Variants in IL1RAPL2 observed in about 807,000 individuals in gnomAD.
The protein encoded by IL1RAPL2 is X-linked interleukin-1 receptor accessory protein-like 2.
A neutral mutation model predicts 44.1 loss-of-function variants in IL1RAPL2; 3 were observed. That is an observed-to-expected ratio of 0.07 (90% CI 0.03 to 0.18). IL1RAPL2 has a LOEUF of 0.18. IL1RAPL2 is among the 10% of genes least tolerant of loss of function. IL1RAPL2 has a pLI of 1.00. For synonymous variants in IL1RAPL2, 181 were observed against 178.8 expected (o/e 1.01, Z -0.10); for missense variants, 391 against 496.4 (o/e 0.79, Z 2.02).
chrX:105,354,775 A>G (rs919713475), intron 5 of IL1RAPL2, among the ~76,000 whole-genome samples: 2 of 111,363 alleles, frequency 1.8e-5, no homozygotes, highest in African/African-American at 3.3e-5. Flanking sequence ...TGCTGACTCT[A>G]TTACCATACC....
intron 4 of IL1RAPL2, among the ~76,000 whole-genome samples, chrX:105,241,222 G>A (rs988872300): frequency 1.8e-5 from 2 of 110,981 alleles, no homozygotes; most frequent in African/African-American, 3.3e-5. Context: ...TTTGACTTGG[G>A]GAAGCCTGTC....
chrX:104,937,938 A>G (rs2147700865), intron 2 of IL1RAPL2, among the ~76,000 whole-genome samples: 2 of 112,646 alleles, frequency 1.8e-5, no homozygotes, highest in African/African-American at 6.4e-5. Flanking sequence ...CATGAAGTGT[A>G]TAAGATAGTA....
intron 2 of IL1RAPL2, among the ~76,000 whole-genome samples, chrX:104,922,901 A>G (rs2147692821): frequency 8.9e-6 from 1 of 111,924 alleles, no homozygotes; most frequent in East Asian, 2.8e-4. Flanking sequence ...TGGAGAACCA[A>G]CACAAAGAAA....
At chrX:105,077,260 A>G (rs1602939908) in intron 2 of IL1RAPL2, among the ~76,000 whole-genome samples, 1 of 111,123 alleles carries the variant, frequency 9.0e-6, no homozygotes, top group South Asian at 3.8e-4. Flanking sequence ...ATCTCTCAGC[A>G]TTTGCTTGTC....
At chrX:105,206,082 A>G (rs1475063271) in intron 3 of IL1RAPL2, among the ~76,000 whole-genome samples, 1 of 111,245 alleles carries the variant, frequency 9.0e-6, no homozygotes, top group Non-Finnish European at 1.9e-5. Context: ...CTTTTGACTG[A>G]AGCAACTGTG....
At position 104,567,022 on chromosome X, in the gene IL1RAPL2, A is replaced by C. The variant is rs1463967218; in HGVS notation, c.-49A>C. On this transcript the variant is annotated 5_prime_UTR_variant, in exon 1 of 11. Coordinates refer to ENST00000372582, the MANE Select transcript of IL1RAPL2 (RefSeq NM_017416.2). The stretch of plus-strand genomic sequence containing the variant: ...GAACTACGCATCTGAGACCTGCTGG[A>C]CGTTTTGCTGGCCGTTTTGCAAGAC... 2 of 112,137 alleles carry C rather than the reference A, an allele frequency of 1.8e-5. No homozygotes were observed. Among genetic ancestry groups the C allele is most frequent in the Non-Finnish European group, 3.8e-5 (2 of 53,206 alleles). 9.2% of individuals were successfully genotyped at this position (112,137 alleles called of 1,213,427 possible).
chrX:104,870,301 C>A (rs1922726982), intron 2 of IL1RAPL2, among the ~76,000 whole-genome samples: 1 of 112,156 alleles, frequency 8.9e-6, no homozygotes, highest in African/African-American at 3.2e-5. Flanking sequence ...ACATAATAAG[C>A]TTGTGATTAC....
At chrX:105,141,237 A>G in intron 2 of IL1RAPL2, among the ~76,000 whole-genome samples, 1 of 111,105 alleles carries the variant, frequency 9.0e-6, no homozygotes, top group Non-Finnish European at 1.9e-5. Flanking sequence ...AATGCCCTAG[A>G]TAGAAAGGAA....
intron 2 of IL1RAPL2, among the ~76,000 whole-genome samples, chrX:104,946,245 C>T (rs1352138628): frequency 5.0e-5 from 5 of 99,563 alleles, no homozygotes; most frequent in Non-Finnish European, 8.1e-5. Context: ...CGGTGGCGGG[C>T]GCCTGTAGTC....
chrX:105,505,664 G>T (rs185075698), intron 6 of IL1RAPL2, among the ~76,000 whole-genome samples: 2 of 111,601 alleles, frequency 1.8e-5, no homozygotes, highest in Non-Finnish European at 3.8e-5. Flanking sequence ...GGTGTGAAGT[G>T]ACATCAGAGA....
chrX:105,205,625 A>AAAAAAAAT, intron 3 of IL1RAPL2, among the ~76,000 whole-genome samples: 1 of 89,550 alleles, frequency 1.1e-5, no homozygotes. Context: ...AAAAAAAAAA[A>AAAAAAAAT]GTGCTAAAGA....
Position 104,604,372 on chromosome X carries a change from T to G in IL1RAPL2, c.-20+37321T>G, listed in dbSNP as rs754673798. Among the ~76,000 whole-genome samples the G allele has an allele frequency of 2.7e-5, 3 of 110,736 alleles. No homozygotes were observed. The East Asian group carries it at 8.5e-4, about 31-fold the overall frequency. ...AAAACATACCAAATTGTAAAGACCA[T>G]CAACACTATGAAGAAACTGCATCAA... On this transcript the variant is annotated intron_variant, in intron 1 of 10. Coordinates refer to ENST00000372582, the MANE Select transcript of IL1RAPL2 (RefSeq NM_017416.2).
intron 1 of IL1RAPL2, among the ~76,000 whole-genome samples, chrX:104,658,502 A>G (rs1243456799): frequency 1.8e-5 from 2 of 112,378 alleles, no homozygotes; most frequent in African/African-American, 3.2e-5. Context: ...AATTAGGAGA[A>G]AAAACTTCTA....
At chrX:105,497,206 C>T (rs1302587113) in intron 6 of IL1RAPL2, among the ~76,000 whole-genome samples, 1 of 110,860 alleles carries the variant, frequency 9.0e-6, no homozygotes, top group Non-Finnish European at 1.9e-5. Flanking sequence ...ATAACAAATG[C>T]TGGTGAGGAT....
intron 6 of IL1RAPL2, among the ~76,000 whole-genome samples, chrX:105,561,833 C>G (rs2036940106): frequency 8.9e-6 from 1 of 111,770 alleles, no homozygotes. Flanking sequence ...AGCAGGGAAG[C>G]TTTGTGGACA....
At chrX:104,572,860 C>A (rs1928172816) in intron 1 of IL1RAPL2, among the ~76,000 whole-genome samples, 1 of 112,303 alleles carries the variant, frequency 8.9e-6, no homozygotes, top group African/African-American at 3.2e-5. Context: ...CCTTGGCTTC[C>A]CAAAGTGCCG....
At chrX:105,263,100 G>A (rs749632815) in intron 4 of IL1RAPL2, among the ~76,000 whole-genome samples, 7 of 110,160 alleles carry the variant, frequency 6.4e-5, no homozygotes, top group Non-Finnish European at 1.1e-4. Flanking sequence ...GATCAGGCTG[G>A]TCTCGAACTC....
At chrX:105,727,704 A>G (rs1004634192) in intron 7 of IL1RAPL2, among the ~76,000 whole-genome samples, 3 of 111,901 alleles carry the variant, frequency 2.7e-5, no homozygotes, top group Admixed American at 9.5e-5. Flanking sequence ...AGTTAAATTT[A>G]TTAGAGGAAG....
At chrX:105,747,516 GTATATATATA>G (rs554778058) in intron 8 of IL1RAPL2, among the ~76,000 whole-genome samples, 1 of 53,893 alleles carries the variant, frequency 1.9e-5, no homozygotes, top group Non-Finnish European at 3.4e-5. Context: ...GTGTGTGTGT[GTATATATATA>G]TATATATATA....
Sources: gnomAD v4.1 joint callset for allele counts (sites outside exome capture counted in the v4.1 genomes callset) on GRCh38, gnomAD v4.1.1 for gene constraint, MANE v1.5 for transcripts, NCBI Gene and HGNC (gene_info 2026-07-23, HGNC 2026-07-21) for gene names.